Variants in KCNIP1 observed in about 807,000 individuals in gnomAD.
KCNIP1 encodes A-type potassium channel modulatory protein KCNIP1.
KCNIP1 carries 18 observed loss-of-function variants against 33.0 expected under a neutral mutation model. The observed-to-expected ratio is 0.55, with a 90% CI of 0.38 to 0.81. The LOEUF (loss-of-function observed/expected upper bound fraction) is 0.81, where lower values mean the gene tolerates loss of function less well. Ranked by LOEUF, KCNIP1 falls within the 30% of genes least tolerant of loss-of-function variation. The pLI is 0.00. For missense variants in KCNIP1, 238 were observed against 271.6 expected, an observed-to-expected ratio of 0.88 and a Z score of 0.87; for synonymous variants, 93 against 98.3, an observed-to-expected ratio of 0.95 and a Z score of 0.32.
Position 170,675,318 on chromosome 5 carries a change from A to C in KCNIP1, c.62-43440A>C, listed in dbSNP as rs377604425. Among the ~76,000 whole-genome samples, 658 of 151,544 alleles carry C rather than the reference A, an allele frequency of 4.3e-3. 4 individuals carry two copies. The highest frequency in any genetic ancestry group is 0.035 in the South Asian group (168 of 4,794). The stretch of plus-strand genomic sequence containing the variant: ...TGTCTCAAAAAATATATATATATAA[A>C]TAAATAAATAAAAATAAATGGCCAG... On this transcript the variant is annotated intron_variant, in intron 1 of 7. Transcript: ENST00000328939.
chr5:170,604,506 T>C (rs1413885932), intron 1 of KCNIP1, among the ~76,000 whole-genome samples: 1 of 152,208 alleles, frequency 6.6e-6, no homozygotes, highest in African/African-American at 2.4e-5. Context: ...CCCTTTGCTG[T>C]GGCTCATCTC....
At chr5:170,449,231 C>T (rs371845488) in intron 1 of KCNIP1, among the ~76,000 whole-genome samples, 5 of 152,336 alleles carry the variant, frequency 3.3e-5, no homozygotes, top group African/African-American at 1.2e-4. Context: ...CAGCAAGCCC[C>T]GTACTGGACA....
chr5:170,607,939 G>GA (rs1231453954), intron 1 of KCNIP1, among the ~76,000 whole-genome samples: 1 of 152,180 alleles, frequency 6.6e-6, no homozygotes, highest in Non-Finnish European at 1.5e-5. Context: ...GAATGAATTT[G>GA]GGGGGCTGTA....
At chr5:170,699,660 A>G (rs575841248) in intron 1 of KCNIP1, among the ~76,000 whole-genome samples, 42 of 152,040 alleles carry the variant, frequency 2.8e-4, no homozygotes, top group African/African-American at 9.7e-4. Flanking sequence ...AGCCCAACTC[A>G]GCCCTAAGCT....
At chr5:170,646,802 T>C (rs1475848049) in intron 1 of KCNIP1, among the ~76,000 whole-genome samples, 1 of 152,182 alleles carries the variant, frequency 6.6e-6, no homozygotes, top group African/African-American at 2.4e-5. Flanking sequence ...AAGCTGTTTT[T>C]GTTTCCAGAT....
At chr5:170,501,989 C>G (rs749042957), upstream of KCNIP1, among the ~76,000 whole-genome samples, 1 of 152,228 alleles carries the variant, frequency 6.6e-6, no homozygotes, top group Non-Finnish European at 1.5e-5. Flanking sequence ...GGTTGTGAAT[C>G]TGGTGGGACC....
chr5:170,487,759 C>A (rs1208085883), intron 1 of KCNIP1, among the ~76,000 whole-genome samples: 1 of 152,050 alleles, frequency 6.6e-6, no homozygotes, highest in Non-Finnish European at 1.5e-5. Context: ...CTCAAGGTAT[C>A]CACCTACCCT....
intron 1 of KCNIP1, among the ~76,000 whole-genome samples, chr5:170,437,877 T>A (rs1324541189): frequency 6.6e-6 from 1 of 152,198 alleles, no homozygotes; most frequent in Non-Finnish European, 1.5e-5. Context: ...TCCTGGGCCA[T>A]CAGCACATGA....
rs35557233 is a variant in KCNIP1 at position 170,534,830 on chromosome 5, ATT to A, written c.61+30211_61+30212del. 9.6e-4 allele frequency among the ~76,000 whole-genome samples: 139 copies of A among 145,224 alleles called. 1 individual carries two copies. Among genetic ancestry groups the A allele is most frequent in the Middle Eastern group, 3.6e-3 (1 of 278 alleles). On this transcript the variant is annotated intron_variant, in intron 1 of 7. Coordinates refer to ENST00000328939, the MANE Select transcript of KCNIP1 (RefSeq NM_014592.4). ...AGCTACCATACCATGCCCGGCATAG[ATT>A]TTTTTTTTTTTTTAACAGAGGCTAC...
intron 1 of KCNIP1, among the ~76,000 whole-genome samples, chr5:170,665,960 G>C (rs1256722001): frequency 6.6e-6 from 1 of 152,164 alleles, no homozygotes; most frequent in Admixed American, 6.5e-5. Context: ...TGCTGATGGT[G>C]ACCTCGATCA....
intron 1 of KCNIP1, among the ~76,000 whole-genome samples, chr5:170,455,105 G>T (rs1162903496): frequency 6.6e-6 from 1 of 152,000 alleles, no homozygotes; most frequent in Non-Finnish European, 1.5e-5. Flanking sequence ...AAATAAATAG[G>T]CAGCTCAGCA....
rs941406486 is a variant in KCNIP1, at chr5:170,629,444, T to C, written c.62-89314T>C. 2.6e-5 allele frequency among the ~76,000 whole-genome samples: 4 copies of C among 152,016 alleles called. No individual in the cohort carries two copies. In the East Asian group the frequency reaches 7.8e-4, roughly 29 times the overall value. ...CCCGGACAGCCAAGCCCTGATGGAGTTGGTCAGCAACCAACCAGCCCTGGG... is the reference window on the plus strand; with the variant it reads ...CCCGGACAGCCAAGCCCTGATGGAGCTGGTCAGCAACCAACCAGCCCTGGG... On this transcript the variant is annotated intron_variant, in intron 1 of 7. Coordinates refer to ENST00000328939, the MANE Select transcript of KCNIP1 (RefSeq NM_014592.4).
chr5:170,384,121 A>C (rs142152924), intron 1 of KCNIP1, among the ~76,000 whole-genome samples: 1 of 152,256 alleles, frequency 6.6e-6, no homozygotes, highest in Non-Finnish European at 1.5e-5. Flanking sequence ...AGCTTCTAAA[A>C]AGATTCCCGT....
chr5:170,385,172 G>T, intron 1 of KCNIP1: 2 of 915,338 alleles, frequency 2.2e-6, no homozygotes, highest in Non-Finnish European at 3.4e-6. Flanking sequence ...TTGAACCCTA[G>T]AACCTAAGAA....
intron 1 of KCNIP1, among the ~76,000 whole-genome samples, chr5:170,390,929 G>T (rs1754566357): frequency 6.6e-6 from 1 of 152,066 alleles, no homozygotes. Flanking sequence ...CAGCAGGCGC[G>T]AAATGAAGGC....
intron 1 of KCNIP1, among the ~76,000 whole-genome samples, chr5:170,421,511 A>G (rs893813835): frequency 6.6e-6 from 1 of 152,110 alleles, no homozygotes; most frequent in Non-Finnish European, 1.5e-5. Flanking sequence ...CATGATTAAG[A>G]GTTGGTGTCT....
At chr5:170,399,762 G>A in intron 1 of KCNIP1, among the ~76,000 whole-genome samples, 1 of 152,224 alleles carries the variant, frequency 6.6e-6, no homozygotes, top group Non-Finnish European at 1.5e-5. Context: ...CCATCATATA[G>A]ATATGTCATA....
chr5:170,492,288 T>G (rs1757223010), intron 1 of KCNIP1, among the ~76,000 whole-genome samples: 1 of 152,348 alleles, frequency 6.6e-6, no homozygotes, highest in Non-Finnish European at 1.5e-5. Flanking sequence ...TGTTTACTGG[T>G]TTGTTTTCAA....
At chr5:170,628,001 G>A (rs4867621) in intron 1 of KCNIP1, among the ~76,000 whole-genome samples, 14,780 of 152,274 alleles carry the variant, frequency 0.097, 798 homozygotes, top group African/African-American at 0.11. Context: ...TCTCATAGGT[G>A]TCAGGACTGG....
Sources: gnomAD v4.1 joint callset for allele counts (sites outside exome capture counted in the v4.1 genomes callset) on GRCh38, gnomAD v4.1.1 for gene constraint, MANE v1.5 for transcripts, NCBI Gene and HGNC (gene_info 2026-07-23, HGNC 2026-07-21) for gene names.